The following RUFY3 variants were observed in gnomAD, a reference collection of about 807,000 sequenced individuals.
RUFY3 encodes the protein protein RUFY3.
RUFY3 carries 34 observed loss-of-function variants against 84.0 expected under a neutral mutation model. The observed-to-expected ratio is 0.40, with a 90% CI of 0.31 to 0.54. The LOEUF is 0.54. RUFY3 is among the 20% of genes least tolerant of loss of function. The probability of loss-of-function intolerance (pLI) is 0.39; values close to 1 mark genes in which losing one functional copy is unlikely to be tolerated. For missense variants in RUFY3, 507 were observed against 736.8 expected, an observed-to-expected ratio of 0.69 and a Z score of 3.61; for synonymous variants, 242 against 252.9, an observed-to-expected ratio of 0.96 and a Z score of 0.41.
At chr4:70,735,895 G>A (rs56243843) in intron 1 of RUFY3, among the ~76,000 whole-genome samples, 13,989 of 152,018 alleles carry the variant, frequency 0.092, 1,382 homozygotes, top group African/African-American at 0.24. Context: ...GGCTGAGGCA[G>A]GAGAATTGCT....
chr4:70,797,655 C>T (rs1731699847), intron 14 of RUFY3, among the ~76,000 whole-genome samples: 1 of 151,840 alleles, frequency 6.6e-6, no homozygotes, highest in Admixed American at 6.6e-5. Flanking sequence ...CCAGCCTGGA[C>T]AACATGGTGA....
chr4:70,806,534 A>C lies in RUFY3; in HGVS notation c.1738A>C (p.Ser580Arg). The change falls in exon 18 of 18, where the codon AGC becomes CGC. Residue 580 changes from serine to arginine, a missense_variant. Physicochemically the swap from Ser to Arg is moderately radical, Grantham distance 110 (BLOSUM62 -1). Coordinates refer to ENST00000381006, the MANE Select transcript of RUFY3 (RefSeq NM_001037442.4). ...CTCATAGAATGTGTGTAAGAACTGC[A>C]GCGGAACCTTCTGTGATGCCTGTTC... ...SLTKNVCKNC[S>R]GTFCDACSTN... 6.2e-7 allele frequency: 1 copy of C among 1,614,144 alleles called. No homozygotes were observed. The highest frequency in any genetic ancestry group is 8.5e-7 in the Non-Finnish European group (1 of 1,180,000).
At chr4:70,753,330 GAGCCAACTT>G (rs1446060021) in intron 1 of RUFY3, among the ~76,000 whole-genome samples, 8 of 152,082 alleles carry the variant, frequency 5.3e-5, no homozygotes, top group Non-Finnish European at 1.2e-4. Flanking sequence ...TCTTGTCAAA[GAGCCAACTT>G]TGGATTTTAT....
At chr4:70,773,476 A>T in intron 5 of RUFY3, 35 bp from the exon 6 acceptor site, 1 of 1,490,430 alleles carries the variant, frequency 6.7e-7, no homozygotes, top group Non-Finnish European at 9.3e-7. Flanking sequence ...AAGAATATCT[A>T]ATTTTATATT....
chr4:70,779,105 A>G (rs1728473096), intron 8 of RUFY3, among the ~76,000 whole-genome samples: 1 of 152,236 alleles, frequency 6.6e-6, no homozygotes, highest in African/African-American at 2.4e-5. Flanking sequence ...CTAGACAAAT[A>G]TTTATATGTG....
intron 1 of RUFY3, among the ~76,000 whole-genome samples, chr4:70,731,126 C>T (rs1719202092): frequency 6.6e-6 from 1 of 151,976 alleles, no homozygotes; most frequent in South Asian, 2.1e-4. Flanking sequence ...CAACCTCCGC[C>T]TCCTGGGTTC....
intron 1 of RUFY3, among the ~76,000 whole-genome samples, chr4:70,749,657 C>CTTTTT (rs537416557): frequency 5.6e-4 from 74 of 132,166 alleles, no homozygotes; most frequent in Non-Finnish European, 1.2e-3. Flanking sequence ...CTTGTCTTGT[C>CTTTTT]TTTTTTTTTT....
intron 1 of RUFY3, among the ~76,000 whole-genome samples, chr4:70,710,601 T>C (rs1439826143): frequency 6.7e-6 from 1 of 149,606 alleles, no homozygotes; most frequent in East Asian, 2.0e-4. Context: ...ACCCGGGAGG[T>C]AGAGGTTGTG....
At chr4:70,758,682 AC>A in intron 1 of RUFY3, among the ~76,000 whole-genome samples, 1 of 151,724 alleles carries the variant, frequency 6.6e-6, no homozygotes, top group Non-Finnish European at 1.5e-5. Context: ...TGCCTCAAAC[AC>A]TTATTTATTA....
At chr4:70,711,064 G>GAAAAAAAAAA (rs950005722) in intron 1 of RUFY3, among the ~76,000 whole-genome samples, 4 of 54,090 alleles carry the variant, frequency 7.4e-5, no homozygotes, top group East Asian at 8.7e-4. Flanking sequence ...ACTCCGTCTG[G>GAAAAAAAAAA]AAAAAAAAAA....
chr4:70,806,480 A>C (rs891584053), intron 17 of RUFY3, 36 bp from the exon 18 acceptor site: 11 of 1,611,346 alleles, frequency 6.8e-6, no homozygotes, highest in Admixed American at 1.7e-5. Context: ...TGCCTTGCTC[A>C]TCTTCTATTC....
chr4:70,755,563 A>T (rs1184714911), intron 1 of RUFY3, among the ~76,000 whole-genome samples: 1 of 152,214 alleles, frequency 6.6e-6, no homozygotes, highest in Non-Finnish European at 1.5e-5. Context: ...ACTATTAACT[A>T]AATGAGCTAC....
intron 14 of RUFY3, 90 bp downstream of exon 14, chr4:70,794,984 A>T (rs1279905753): frequency 1.1e-5 from 9 of 828,410 alleles, no homozygotes; most frequent in East Asian, 7.3e-5. Context: ...TCCTTTACAG[A>T]TCACATACTT....
chr4:70,757,827 A>T lies in RUFY3; in HGVS notation c.179-4692A>T, dbSNP rs1056704972. ...TATTTCTAGCATTAAAACAATATCT[A>T]ACACATAGTAGATGTTCAATATGTA... On this transcript the variant is annotated intron_variant, in intron 1 of 17. Coordinates refer to ENST00000381006, the MANE Select transcript of RUFY3 (RefSeq NM_001037442.4). Among the ~76,000 whole-genome samples the T allele has an allele frequency of 1.3e-5, 2 of 152,202 alleles. 1 individual carries two copies. Among genetic ancestry groups the T allele is most frequent in the Non-Finnish European group, 2.9e-5 (2 of 68,024 alleles).
At chr4:70,804,029 C>G (rs10023675) in intron 16 of RUFY3, among the ~76,000 whole-genome samples, 8,087 of 152,164 alleles carry the variant, frequency 0.053, 521 homozygotes, top group African/African-American at 0.16. Context: ...GCCACCAGGC[C>G]CAGTCCCCAG....
chr4:70,787,214 A>ATATATATATATATAT (rs757534627), intron 10 of RUFY3, among the ~76,000 whole-genome samples: 9 of 131,716 alleles, frequency 6.8e-5, no homozygotes, highest in African/African-American at 2.7e-4. Flanking sequence ...ATATATATAT[A>ATATATATATATATAT]AAAACAAATT....
intron 1 of RUFY3, among the ~76,000 whole-genome samples, chr4:70,749,788 T>C (rs78958051): frequency 0.076 from 11,530 of 151,396 alleles, 708 homozygotes; most frequent in East Asian, 0.21. Flanking sequence ...GAGCTGGGAC[T>C]ACAGGTTTGC....
chr4:70,730,432 C>T (rs1180682937), intron 1 of RUFY3, among the ~76,000 whole-genome samples: 1 of 151,836 alleles, frequency 6.6e-6, no homozygotes, highest in Non-Finnish European at 1.5e-5. Flanking sequence ...ACTATTACCC[C>T]CAATTTACAA....
chr4:70,804,728 C>G (rs1215114072), intron 17 of RUFY3, among the ~76,000 whole-genome samples: 1 of 127,046 alleles, frequency 7.9e-6, no homozygotes, highest in Non-Finnish European at 1.6e-5. Flanking sequence ...CCAGCCTGAT[C>G]AACATGGTAA....
Sources: gnomAD v4.1 joint callset for allele counts (sites outside exome capture counted in the v4.1 genomes callset) on GRCh38, gnomAD v4.1.1 for gene constraint, MANE v1.5 for transcripts, NCBI Gene and HGNC (gene_info 2026-07-23, HGNC 2026-07-21) for gene names.